The following COL4A3 variants were observed in gnomAD, a reference collection of about 807,000 sequenced individuals.
The protein encoded by COL4A3 is collagen type IV alpha 3 chain.
In COL4A3, 135 loss-of-function variants were observed where a neutral mutation model predicts 217.4. The observed-to-expected ratio is 0.62, with a 90% CI of 0.54 to 0.72. COL4A3 has a LOEUF of 0.72. Among genes scored for constraint, COL4A3 ranks in the 30% least tolerant of loss-of-function variants. The probability of loss-of-function intolerance (pLI) is 0.00; values close to 1 mark genes in which losing one functional copy is unlikely to be tolerated. For missense variants in COL4A3, 1,868 were observed against 2,119.9 expected, an observed-to-expected ratio of 0.88 and a Z score of 2.33; for synonymous variants, 690 against 736.3, an observed-to-expected ratio of 0.94 and a Z score of 1.02.
At chr2:227,174,468 A>G (rs1471134541) in intron 1 of COL4A3, among the ~76,000 whole-genome samples, 1 of 152,126 alleles carries the variant, frequency 6.6e-6, no homozygotes, top group Non-Finnish European at 1.5e-5. Flanking sequence ...TGCCTGGTAC[A>G]GAATGCATAT....
chr2:227,168,300 A>G (rs2065348556), intron 1 of COL4A3, among the ~76,000 whole-genome samples: 1 of 152,250 alleles, frequency 6.6e-6, no homozygotes, highest in Non-Finnish European at 1.5e-5. Flanking sequence ...CCAACAATGT[A>G]CCAGAGTGCC....
At chr2:227,202,827 GTATC>G (rs535092612) in intron 1 of COL4A3, among the ~76,000 whole-genome samples, 2,207 of 82,920 alleles carry the variant, frequency 0.027, 472 homozygotes, top group Non-Finnish European at 0.042. Flanking sequence ...ACATATATGT[GTATC>G]TATGTGTATA....
intron 3 of COL4A3, among the ~76,000 whole-genome samples, chr2:227,242,783 T>A (rs977497325): frequency 6.6e-6 from 1 of 152,226 alleles, no homozygotes; most frequent in Non-Finnish European, 1.5e-5. Context: ...ATGTCACATA[T>A]ATGATGCCAG....
chr2:227,238,894 A>G (rs888804454), intron 2 of COL4A3, among the ~76,000 whole-genome samples: 4 of 152,200 alleles, frequency 2.6e-5, no homozygotes, highest in African/African-American at 9.6e-5. Context: ...TGCATTCAAG[A>G]AGCATTTATT....
intron 1 of COL4A3, among the ~76,000 whole-genome samples, chr2:227,225,451 T>G (rs34460159): frequency 0.22 from 33,909 of 152,002 alleles, 4,017 homozygotes; most frequent in Non-Finnish European, 0.27. Context: ...ATTAACCCAT[T>G]AGCATCATGT....
chr2:227,251,197 T>C lies in COL4A3; in HGVS notation c.604T>C (p.Phe202Leu), dbSNP rs754613272. The change falls in exon 10 of 52, where the codon TTC becomes CTC. Residue 202 changes from phenylalanine to leucine, a missense_variant. By Grantham distance (22) the Phe-to-Leu change is conservative. This residue lies in a region of COL4A3 where 365 missense variants were observed against 333.8 expected (regional missense o/e 1.09). Transcript: ENST00000396578. ...TGTTGGCCCACCTGGTCCTCCGGGA[T>C]TCTTTGTGAGTATCAAGTCATCCTT... ...GPVGPPGPPG[F>L]FGFPGAMGPR... 3.5e-5 allele frequency: 56 copies of C among 1,613,304 alleles called. 1 individual carries two copies. The South Asian group carries it at 5.6e-4, about 16-fold the overall frequency.
At chr2:227,255,136 G>C (rs905620749) in intron 15 of COL4A3, among the ~76,000 whole-genome samples, 1 of 152,164 alleles carries the variant, frequency 6.6e-6, no homozygotes, top group Non-Finnish European at 1.5e-5. Context: ...CATTGGCCCA[G>C]CTTGGTCATA....
Position 227,164,964 on chromosome 2 carries a change from G to C in COL4A3, c.87+151G>C. ...AGGGCTTCACGCAGGTCCCGGGACA[G>C]GCAGCGAGCGGAAGGGAGCAAGCGG... On this transcript the variant is annotated intron_variant, in intron 1 of 51. Transcript: ENST00000396578. The surrounding 1 kb of genome is among the most constrained non-coding windows in gnomAD (Gnocchi z 4.8). The C allele has an allele frequency of 9.8e-7, 1 of 1,022,744 alleles. No homozygotes were observed. The highest frequency in any genetic ancestry group is 1.3e-6 in the Non-Finnish European group (1 of 745,728). The allele number at this position is 1,022,744 out of a possible 1,614,324, so 63.4% of individuals were successfully genotyped here.
intron 41 of COL4A3, among the ~76,000 whole-genome samples, chr2:227,296,814 T>TG (rs1225833288): frequency 2.0e-5 from 3 of 152,238 alleles, no homozygotes; most frequent in Non-Finnish European, 2.9e-5. Context: ...GTCTTTACTA[T>TG]ATAATAACTC....
intron 37 of COL4A3, among the ~76,000 whole-genome samples, chr2:227,291,883 C>T (rs557257140): frequency 4.6e-5 from 7 of 152,234 alleles, no homozygotes; most frequent in African/African-American, 1.7e-4. Flanking sequence ...ATTCTCTTCC[C>T]AATTATCTGA....
At chr2:227,279,700 C>A in intron 28 of COL4A3, 93 bp from the exon 29 acceptor site, 2 of 826,178 alleles carry the variant, frequency 2.4e-6, no homozygotes, top group Non-Finnish European at 3.8e-6. Flanking sequence ...TTCATAAAAG[C>A]ATCTCTAGCT....
intron 36 of COL4A3, 34 bp downstream of exon 36, chr2:227,290,122 C>A (rs1275320373): frequency 1.3e-6 from 2 of 1,581,992 alleles, no homozygotes; most frequent in Non-Finnish European, 1.7e-6. Context: ...AGCCCACAAG[C>A]TCATGATGGG....
At chr2:227,267,806 CACA>C in intron 23 of COL4A3, among the ~76,000 whole-genome samples, 1 of 142,738 alleles carries the variant, frequency 7.0e-6, no homozygotes, top group Admixed American at 7.0e-5. Flanking sequence ...AAAAAAAAAA[CACA>C]ACATTTTATA....
intron 1 of COL4A3, among the ~76,000 whole-genome samples, chr2:227,212,152 G>GT (rs144815728): frequency 0.043 from 6,292 of 147,000 alleles, 151 homozygotes; most frequent in Middle Eastern, 0.066. Context: ...TATCTTTTCT[G>GT]TTTTTTTTGT....
chr2:227,179,722 C>T (rs2065808755), intron 1 of COL4A3, among the ~76,000 whole-genome samples: 1 of 152,198 alleles, frequency 6.6e-6, no homozygotes, highest in South Asian at 2.1e-4. Flanking sequence ...CAGTGCTACA[C>T]GCTGGGAACA....
chr2:227,275,169 C>CTGTTGTTGTTGTTGT (rs200536643), intron 26 of COL4A3, among the ~76,000 whole-genome samples: 39 of 151,256 alleles, frequency 2.6e-4, no homozygotes, highest in African/African-American at 9.3e-4. Flanking sequence ...ACCAAATGCT[C>CTGTTGTTGTTGTTGT]TGTTGTTGTT....
At position 227,267,115 on chromosome 2, in the gene COL4A3, T is replaced by C. The variant is rs369946414; in HGVS notation, c.1504+27T>C. 4.6e-5 allele frequency: 70 copies of C among 1,533,848 alleles called. No individual in the cohort carries two copies. In the African/African-American group the frequency reaches 7.9e-4, roughly 17 times the overall value. ...TACAAACAATTTGCATGCAAGTGTTTTTGCAAGCACAAAAGGGTCAATACA... is the reference window on the plus strand; with the variant it reads ...TACAAACAATTTGCATGCAAGTGTTCTTGCAAGCACAAAAGGGTCAATACA... On this transcript the variant is annotated intron_variant, in intron 23 of 51. Coordinates refer to ENST00000396578, the MANE Select transcript of COL4A3 (RefSeq NM_000091.5).
Position 227,257,531 on chromosome 2 carries a change from G to C in COL4A3, c.988-72G>C, listed in dbSNP as rs1242901056. 6 of 1,238,516 alleles carry C rather than the reference G, an allele frequency of 4.8e-6. No individual in the cohort carries two copies. The South Asian group carries it at 6.0e-5, about 12-fold the overall frequency. The allele number at this position is 1,238,516 out of a possible 1,614,324, so 76.7% of individuals were successfully genotyped here. A position where few individuals can be genotyped will look rare whatever the true frequency, so the allele number is the denominator to read the frequency against. On this transcript the variant is annotated intron_variant, in intron 17 of 51. Coordinates refer to ENST00000396578, the MANE Select transcript of COL4A3 (RefSeq NM_000091.5). ...TATCAATATATTGTTCATTTTAACT[G>C]TACATCTTGCTTTTTATATGTAAAT...
At chr2:227,299,223 G>A (rs1171527108) in intron 43 of COL4A3, among the ~76,000 whole-genome samples, 2 of 152,114 alleles carry the variant, frequency 1.3e-5, no homozygotes, top group Non-Finnish European at 2.9e-5. Context: ...GTGAAACCCC[G>A]TCTCTACTAA....
Sources: allele counts gnomAD v4.1 joint callset (sites outside exome capture counted in the v4.1 genomes callset), GRCh38; gene constraint gnomAD v4.1.1; regional missense constraint gnomAD v4.1.1; non-coding constraint Gnocchi (gnomAD v3.1); transcripts MANE v1.5; gene names NCBI Gene and HGNC (gene_info 2026-07-23, HGNC 2026-07-21).